Variants in SUSD4 observed in about 807,000 individuals in gnomAD.
SUSD4 encodes sushi domain-containing protein 4.
In SUSD4, 41 loss-of-function variants were observed where a neutral mutation model predicts 50.5. That is an observed-to-expected ratio of 0.81 (90% CI 0.63 to 1.05). The LOEUF is 1.05. Ranked by LOEUF, SUSD4 falls within the 50% of genes least tolerant of loss-of-function variation. SUSD4 has a pLI of 0.00. For missense variants in SUSD4, 580 were observed against 634.7 expected, an observed-to-expected ratio of 0.91 and a Z score of 0.93; for synonymous variants, 257 against 257.3, an observed-to-expected ratio of 1.00 and a Z score of 0.01.
rs140758464 is a variant in SUSD4, at chr1:223,288,778, G to T, written c.361+3661C>A. On this transcript the variant is annotated intron_variant, in intron 3 of 8. Coordinates refer to ENST00000366878, the MANE Select transcript of SUSD4 (RefSeq NM_017982.4). Reference sequence around the variant, plus strand: ...TTATAATATAAATGAATCCTGAATTGATTTTAGTCTCTTTAAGATGTTTAC... The same window carrying T: ...TTATAATATAAATGAATCCTGAATTTATTTTAGTCTCTTTAAGATGTTTAC... Among the ~76,000 whole-genome samples the T allele has an allele frequency of 4.7e-3, 721 of 152,246 alleles. 2 individuals carry two copies. Among genetic ancestry groups the T allele is most frequent in the Admixed American group, 7.8e-3 (120 of 15,288 alleles).
At chr1:223,312,134 CA>C (rs1665914178) in intron 2 of SUSD4, among the ~76,000 whole-genome samples, 1 of 152,192 alleles carries the variant, frequency 6.6e-6, no homozygotes, top group Non-Finnish European at 1.5e-5. Context: ...TCTGAAAAAA[CA>C]TATGATTCTG....
At chr1:223,329,546 A>G (rs537056095) in intron 2 of SUSD4, among the ~76,000 whole-genome samples, 1 of 152,154 alleles carries the variant, frequency 6.6e-6, no homozygotes, top group South Asian at 2.1e-4. Flanking sequence ...TTCTGTGTTC[A>G]TCTCTGCCTC....
intron 2 of SUSD4, among the ~76,000 whole-genome samples, chr1:223,307,231 GGC>G (rs1470851462): frequency 6.6e-6 from 1 of 152,056 alleles, no homozygotes; most frequent in African/African-American, 2.4e-5. Flanking sequence ...CAATGCATGG[GGC>G]AATCTCAACA....
At chr1:223,258,526 G>A (rs1360463220) in intron 5 of SUSD4, among the ~76,000 whole-genome samples, 2 of 151,642 alleles carry the variant, frequency 1.3e-5, no homozygotes, top group African/African-American at 4.8e-5. Flanking sequence ...GGGCTGGGGG[G>A]AGTCACCTGG....
intron 3 of SUSD4, among the ~76,000 whole-genome samples, chr1:223,271,832 T>C (rs1329343856): frequency 6.6e-6 from 1 of 152,184 alleles, no homozygotes. Flanking sequence ...AAAAAAAGAA[T>C]CTAGGATCTT....
rs1362428198 is a variant in SUSD4 at position 223,229,401 on chromosome 1, G to A, written c.725-13C>T. 6.4e-7 allele frequency: 1 copy of A among 1,573,508 alleles called. No homozygotes were observed. The highest frequency in any genetic ancestry group is 8.7e-7 in the Non-Finnish European group (1 of 1,149,566). On this transcript the variant is annotated splice_polypyrimidine_tract_variant and intron_variant, in intron 5 of 8. Coordinates refer to ENST00000366878, the MANE Select transcript of SUSD4 (RefSeq NM_017982.4). The surrounding 1 kb of genome is among the most constrained non-coding windows in gnomAD (Gnocchi z 4.7). ...GGTAGTGGACAGACTTGGGCAGTAG[G>A]GGAGAATAAAAGTTTCAGAACCACA...
chr1:223,232,044 C>G (rs1475803441), intron 5 of SUSD4, among the ~76,000 whole-genome samples: 1 of 152,192 alleles, frequency 6.6e-6, no homozygotes, highest in Non-Finnish European at 1.5e-5. Context: ...GGAGGACGTT[C>G]TGCTAAGTGA....
upstream of SUSD4, among the ~76,000 whole-genome samples, chr1:223,364,946 A>G (rs2102615980): frequency 6.6e-6 from 1 of 151,998 alleles, no homozygotes; most frequent in East Asian, 1.9e-4. The surrounding 1 kb of genome is among the most constrained non-coding windows in gnomAD (Gnocchi z 4.5). Flanking sequence ...CACCCTTGGT[A>G]TTTTCCCTCT....
chr1:223,326,405 A>G (rs1666879955), intron 2 of SUSD4, among the ~76,000 whole-genome samples: 1 of 152,134 alleles, frequency 6.6e-6, no homozygotes, highest in African/African-American at 2.4e-5. Context: ...AGAAAACAAC[A>G]TTGGAAAAAC....
chr1:223,233,631 T>C (rs1660031659), intron 5 of SUSD4, among the ~76,000 whole-genome samples: 1 of 152,156 alleles, frequency 6.6e-6, no homozygotes, highest in Admixed American at 6.5e-5. Flanking sequence ...GGCCACATGG[T>C]TGGCGTTTGA....
In SUSD4 at chr1:223,222,339, T is replaced by G. The variant is rs1026037360; in HGVS notation, c.1445-119A>C. On this transcript the variant is annotated intron_variant, in intron 8 of 8. Coordinates refer to ENST00000366878, the MANE Select transcript of SUSD4 (RefSeq NM_017982.4). Reference sequence around the variant, plus strand: ...CAAATCAGTGAGGAGAAGAAAATGTTAAGTTCCACATACCAGTTAATAACC... The same window carrying G: ...CAAATCAGTGAGGAGAAGAAAATGTGAAGTTCCACATACCAGTTAATAACC... 4.0e-6 allele frequency: 4 copies of G among 1,007,558 alleles called. No individual in the cohort carries two copies. The South Asian group carries it at 6.4e-5, about 16-fold the overall frequency. 62.4% of individuals were successfully genotyped at this position (1,007,558 alleles called of 1,614,324 possible). A position where few individuals can be genotyped will look rare whatever the true frequency, so the allele number is the denominator to read the frequency against.
At chr1:223,360,077 T>C in intron 2 of SUSD4, 1 of 398,710 alleles carries the variant, frequency 2.5e-6, no homozygotes, top group Non-Finnish European at 5.2e-6. Context: ...CCCTATAAAT[T>C]AGGCACCGTC....
chr1:223,323,697 A>G (rs1015204151), intron 2 of SUSD4, among the ~76,000 whole-genome samples: 1 of 152,154 alleles, frequency 6.6e-6, no homozygotes, highest in African/African-American at 2.4e-5. Flanking sequence ...GAGTCACAGT[A>G]GCTGTGAACT....
intron 2 of SUSD4, among the ~76,000 whole-genome samples, chr1:223,361,628 C>CAAACAA (rs2102605820): frequency 6.6e-6 from 1 of 152,144 alleles, no homozygotes; most frequent in South Asian, 2.1e-4. Flanking sequence ...ACCAAGAGCA[C>CAAACAA]AAAACAAATC....
chr1:223,307,328 G>A (rs182586813), intron 2 of SUSD4, among the ~76,000 whole-genome samples: 9 of 152,238 alleles, frequency 5.9e-5, no homozygotes, highest in South Asian at 2.1e-4. Flanking sequence ...ACTAAAATAC[G>A]TTTTCCACAT....
chr1:223,264,911 C>A (rs1408367329), intron 4 of SUSD4, 93 bp from the exon 5 acceptor site: 4 of 1,330,110 alleles, frequency 3.0e-6, no homozygotes, highest in Non-Finnish European at 4.1e-6. Flanking sequence ...TTAGGATTCC[C>A]CCACCTCTGA....
chr1:223,329,938 A>T (rs1667087214), intron 2 of SUSD4, among the ~76,000 whole-genome samples: 3 of 152,178 alleles, frequency 2.0e-5, no homozygotes, highest in Admixed American at 1.3e-4. Context: ...GAATGAATGG[A>T]TGGATAAATG....
chr1:223,312,789 A>T (rs1665954150), intron 2 of SUSD4, among the ~76,000 whole-genome samples: 1 of 152,160 alleles, frequency 6.6e-6, no homozygotes, highest in South Asian at 2.1e-4. Flanking sequence ...CTCTACTCAC[A>T]GTGTCACCCA....
intron 5 of SUSD4, among the ~76,000 whole-genome samples, chr1:223,244,329 GAGAAC>G (rs1660778584): frequency 5.3e-5 from 8 of 152,214 alleles, no homozygotes; most frequent in African/African-American, 1.9e-4. Context: ...ATGGGCCAGA[GAGAAC>G]AGCTGCCATG....
Sources: gnomAD v4.1 joint callset for allele counts (sites outside exome capture counted in the v4.1 genomes callset) on GRCh38, gnomAD v4.1.1 for gene constraint, Gnocchi (gnomAD v3.1) non-coding constraint, MANE v1.5 for transcripts, NCBI Gene and HGNC (gene_info 2026-07-23, HGNC 2026-07-21) for gene names.